The following ABHD12 variants were observed in gnomAD, a reference collection of about 807,000 sequenced individuals.
ABHD12 encodes the protein abhydrolase domain containing 12, lysophospholipase, also known as lysophosphatidylserine lipase ABHD12.
ABHD12 carries 43 observed loss-of-function variants against 58.3 expected under a neutral mutation model. The observed-to-expected ratio is 0.74, with a 90% CI of 0.58 to 0.95. ABHD12 has a LOEUF of 0.95. Among genes scored for constraint, ABHD12 ranks in the 40% least tolerant of loss-of-function variants. The pLI is 0.00. For missense variants in ABHD12, 539 were observed against 537.2 expected (o/e 1.00, Z -0.03); for synonymous variants, 219 against 211.2 (o/e 1.04, Z -0.32).
At chr20:25,317,241 T>C (rs2088980303) in intron 4 of ABHD12, among the ~76,000 whole-genome samples, 163 bp from the exon 5 acceptor site, 1 of 152,190 alleles carries the variant, frequency 6.6e-6, no homozygotes, top group South Asian at 2.1e-4. Flanking sequence ...GGCAGTGCTG[T>C]GCCAAGGGGG....
At chr20:25,390,341 G>C (rs1223905655) in intron 1 of ABHD12, among the ~76,000 whole-genome samples, 172 bp downstream of exon 1, 3 of 152,136 alleles carry the variant, frequency 2.0e-5, no homozygotes, top group African/African-American at 7.2e-5. Context: ...GGGAGCGGGG[G>C]TGGGGCTGCC....
intron 2 of ABHD12, 41 bp downstream of exon 2, chr20:25,339,186 C>A (rs1336373550): frequency 9.9e-6 from 16 of 1,612,384 alleles, no homozygotes; most frequent in Non-Finnish European, 1.4e-5. Context: ...GAAAATGAAC[C>A]CTTACTAAAA....
At chr20:25,379,473 T>C (rs1253991890) in intron 1 of ABHD12, among the ~76,000 whole-genome samples, 1 of 152,128 alleles carries the variant, frequency 6.6e-6, no homozygotes, top group Non-Finnish European at 1.5e-5. Context: ...TACCCATGTC[T>C]TTCCCCACAG....
intron 1 of ABHD12, among the ~76,000 whole-genome samples, chr20:25,370,377 A>C (rs991576358): frequency 6.6e-6 from 1 of 152,094 alleles, no homozygotes; most frequent in African/African-American, 2.4e-5. Flanking sequence ...TCTGTGGAAG[A>C]CTCAGAGGCC....
chr20:25,355,587 T>A (rs1394829109), intron 1 of ABHD12, among the ~76,000 whole-genome samples: 2 of 152,314 alleles, frequency 1.3e-5, no homozygotes, highest in East Asian at 3.9e-4. Flanking sequence ...TTTGAGACAG[T>A]CTTGCTCTGT....
intron 1 of ABHD12, among the ~76,000 whole-genome samples, chr20:25,358,225 T>C (rs2089694479): frequency 6.6e-6 from 1 of 152,168 alleles, no homozygotes; most frequent in Admixed American, 6.5e-5. Context: ...GTTAGACATA[T>C]GAAAGTTGCT....
In ABHD12 at chr20:25,309,444, A is replaced by G; in HGVS notation, c.749+2T>C. ...AGGCTGCCTCCTGCTGGGGTCCCTTACCCAGTGCCCAGAGAGTGGCCCCAG... is the reference window on the plus strand; with the variant it reads ...AGGCTGCCTCCTGCTGGGGTCCCTTGCCCAGTGCCCAGAGAGTGGCCCCAG... On this transcript the variant is annotated splice_donor_variant, in intron 7 of 12. Transcript: ENST00000339157. LOFTEE classifies it high-confidence loss of function. 6.2e-7 allele frequency: 1 copy of G among 1,614,040 alleles called. No homozygotes were observed. Among genetic ancestry groups the G allele is most frequent in the Non-Finnish European group, 8.5e-7 (1 of 1,179,956 alleles).
exon 13 of ABHD12, chr20:25,294,918 T>G: frequency 2.5e-6 from 1 of 401,336 alleles, no homozygotes; most frequent in Non-Finnish European, 3.2e-6. Context: ...TGCCTTTGGG[T>G]TAGTTTTAGT....
intron 1 of ABHD12, among the ~76,000 whole-genome samples, chr20:25,378,323 T>C (rs941477773): frequency 3.3e-5 from 5 of 152,126 alleles, no homozygotes; most frequent in Non-Finnish European, 7.4e-5. Flanking sequence ...ACAGGTACTA[T>C]CTCCTTGTAT....
chr20:25,367,535 T>C (rs569483476), intron 1 of ABHD12, among the ~76,000 whole-genome samples: 2 of 152,356 alleles, frequency 1.3e-5, no homozygotes, highest in East Asian at 1.9e-4. Context: ...TTTCCATCTG[T>C]AAAGCTGAAA....
At position 25,368,711 on chromosome 20, in the gene ABHD12, C is replaced by T. The variant is rs115706962; in HGVS notation, c.191+21802G>A. 1.6e-3 allele frequency: 2,117 copies of T among 1,306,654 alleles called. 27 individuals carry two copies. The African/African-American group carries it at 0.026, about 16-fold the overall frequency. The allele number at this position is 1,306,654 out of a possible 1,614,324, so 80.9% of individuals were successfully genotyped here. A position where few individuals can be genotyped will look rare whatever the true frequency, so the allele number is the denominator to read the frequency against. The stretch of plus-strand genomic sequence containing the variant: ...TTGTCTGCAAACAGGTTGAAGGAGA[C>T]GCGGCCCAAGGGCTTGCCTTCGTCA... On this transcript the variant is annotated intron_variant, in intron 1 of 12. Transcript: ENST00000339157.
At chr20:25,325,194 A>C (rs1212425495) in intron 2 of ABHD12, among the ~76,000 whole-genome samples, 1 of 112,690 alleles carries the variant, frequency 8.9e-6, no homozygotes, top group Non-Finnish European at 1.7e-5. Flanking sequence ...TGACAGAGAG[A>C]CCCTGTTTCA....
At chr20:25,362,953 G>T (rs575230619) in intron 1 of ABHD12, among the ~76,000 whole-genome samples, 2 of 151,776 alleles carry the variant, frequency 1.3e-5, no homozygotes, top group African/African-American at 2.4e-5. Context: ...GATTACAGGC[G>T]TGAACCACTG....
rs190871551 is a variant in ABHD12 at position 25,327,960 on chromosome 20, A to T, written c.317-4530T>A. Among the ~76,000 whole-genome samples, 480 of 151,916 alleles carry T rather than the reference A, an allele frequency of 3.2e-3. 1 individual carries two copies. Among genetic ancestry groups the T allele is most frequent in the Middle Eastern group, 0.014 (4 of 294 alleles). Reference sequence around the variant, plus strand: ...GACTCAGCGCAAGAAGACAGCTTTGACTCCCTATGATTTCATCTCTGACCT... The same window carrying T: ...GACTCAGCGCAAGAAGACAGCTTTGTCTCCCTATGATTTCATCTCTGACCT... On this transcript the variant is annotated intron_variant, in intron 2 of 12. Coordinates refer to ENST00000339157, the MANE Select transcript of ABHD12 (RefSeq NM_001042472.3).
Position 25,330,478 on chromosome 20 carries a change from T to G in ABHD12, c.317-7048A>C, listed in dbSNP as rs568606033. 3.3e-5 allele frequency among the ~76,000 whole-genome samples: 5 copies of G among 152,244 alleles called. No homozygotes were observed. The East Asian group carries it at 5.8e-4, about 18-fold the overall frequency. ...GAGCCCACCACAGCTCAAGGAGGTC[T>G]GCCTGCCTCTGTAGGCTCCACCTCT... On this transcript the variant is annotated intron_variant, in intron 2 of 12. Transcript: ENST00000339157.
chr20:25,366,107 A>G (rs1403647613), intron 1 of ABHD12, among the ~76,000 whole-genome samples: 1 of 152,072 alleles, frequency 6.6e-6, no homozygotes, highest in East Asian at 1.9e-4. Context: ...GAATTATGCT[A>G]TCTTTCGCAT....
At position 25,309,505 on chromosome 20, in the gene ABHD12, C is replaced by T. The variant is rs912549055; in HGVS notation, c.690G>A (p.Trp230Ter). The T allele has an allele frequency of 1.9e-6, 3 of 1,614,096 alleles. No individual in the cohort carries two copies. Among genetic ancestry groups the T allele is most frequent in the Non-Finnish European group, 2.5e-6 (3 of 1,180,030 alleles). ...GGTTGTCACCACTTCTTGCTTTGAT[C>T]CAGTCAAAAACGTGGAGTGCGTCAT... ...MTYDALHVFDWIKARSGDNPV... is the reference protein window; with the variant it reads ...MTYDALHVFD Residue 230 changes from tryptophan (W) to a stop codon, truncating the protein, a stop_gained, in exon 7 of 13, where the codon TGG (tryptophan) becomes TGA (stop). Transcript: ENST00000339157. LOFTEE classifies it high-confidence loss of function.
At chr20:25,358,098 T>G (rs1036424640) in intron 1 of ABHD12, among the ~76,000 whole-genome samples, 1 of 152,164 alleles carries the variant, frequency 6.6e-6, no homozygotes, top group Non-Finnish European at 1.5e-5. Flanking sequence ...AGGCAAACTT[T>G]CCTAATCATG....
intron 1 of ABHD12, among the ~76,000 whole-genome samples, chr20:25,377,105 T>C (rs1017497439): frequency 1.3e-5 from 2 of 152,202 alleles, no homozygotes; most frequent in African/African-American, 4.8e-5. Context: ...GGGGCTGCAC[T>C]GGCAGCCTCC....
Sources: allele counts gnomAD v4.1 joint callset (sites outside exome capture counted in the v4.1 genomes callset), GRCh38; gene constraint gnomAD v4.1.1; transcripts MANE v1.5; gene names NCBI Gene and HGNC (gene_info 2026-07-23, HGNC 2026-07-21).